The following PHYKPL variants were observed in gnomAD, a reference collection of about 807,000 sequenced individuals.
PHYKPL encodes the protein 5-phosphohydroxy-L-lysine phospho-lyase.
PHYKPL carries 42 observed loss-of-function variants against 51.3 expected under a neutral mutation model. That is an observed-to-expected ratio of 0.82 (90% CI 0.64 to 1.06). The LOEUF is 1.06. Among genes scored for constraint, PHYKPL ranks in the 50% least tolerant of loss-of-function variants. The pLI is 0.00. For missense variants in PHYKPL, 655 were observed against 586.6 expected (o/e 1.12, Z -1.20); for synonymous variants, 264 against 236.0 (o/e 1.12, Z -1.09).
At chr5:178,224,588 T>A (rs1310014181) in intron 5 of PHYKPL, 24 bp from the exon 6 acceptor site, 5 of 1,614,118 alleles carry the variant, frequency 3.1e-6, no homozygotes, top group Admixed American at 3.3e-5. Context: ...CAGCGCCATG[T>A]TATCCGGGCT....
intron 8 of PHYKPL, chr5:178,216,821 A>C (rs1759892525): frequency 6.6e-6 from 1 of 152,296 alleles, no homozygotes; most frequent in Non-Finnish European, 1.5e-5. Flanking sequence ...GAGTTGCCTA[A>C]GGTGAGGAGT....
Position 178,210,169 on chromosome 5 carries a change from C to T in PHYKPL, c.*32-1254G>A, listed in dbSNP as rs747281027. The T allele has an allele frequency of 1.9e-6, 3 of 1,613,906 alleles. No homozygotes were observed. The Admixed American group carries it at 5.0e-5, about 27-fold the overall frequency. On this transcript the variant is annotated intron_variant, in intron 12 of 12. Transcript: ENST00000308158. ...GTTGGAATCAGGGCTACGGCAACTA[C>T]TGGAACCAGGGCTACGGCTACCAGC...
chr5:178,232,383 G>A (rs1232951132), intron 1 of PHYKPL, 109 bp downstream of exon 1: 23 of 1,317,874 alleles, frequency 1.7e-5, no homozygotes, highest in East Asian at 9.8e-5. Flanking sequence ...GGGTAGCAGC[G>A]GCTTCCTAGC....
At position 178,210,565 on chromosome 5, in the gene PHYKPL, C is replaced by T. The variant is rs370560169; in HGVS notation, c.*31+1325G>A. The stretch of plus-strand genomic sequence containing the variant: ...TTCTCGTCCCTAGGTCAGGGTAGTA[C>T]AAACTACGGCAAGAGCCAGCGACGT... On this transcript the variant is annotated intron_variant, in intron 12 of 12. Coordinates refer to ENST00000308158, the MANE Select transcript of PHYKPL (RefSeq NM_153373.4). 95 of 1,613,944 alleles carry T rather than the reference C, an allele frequency of 5.9e-5. 1 individual carries two copies. The highest frequency in any genetic ancestry group is 1.6e-4 in the Middle Eastern group (1 of 6,078).
At position 178,232,174 on chromosome 5, in the gene PHYKPL, TCTC is replaced by T. The variant is rs1270840708; in HGVS notation, c.59+315_59+317del. ...CTCTCAGGCGCCAGGGTGAAGGTCT[TCTC>T]CGGAGTAAAGGCTGCCAAGCGAGGC... is the stretch of plus-strand genomic sequence containing the variant. On this transcript the variant is annotated intron_variant, in intron 1 of 12. Coordinates refer to ENST00000308158, the MANE Select transcript of PHYKPL (RefSeq NM_153373.4). 2.5e-6 allele frequency: 3 copies of T among 1,222,460 alleles called. No individual in the cohort carries two copies. In the African/African-American group the frequency reaches 4.6e-5, roughly 19 times the overall value. 75.7% of individuals were successfully genotyped at this position (1,222,460 alleles called of 1,614,324 possible). A position where few individuals can be genotyped will look rare whatever the true frequency, so the allele number is the denominator to read the frequency against.
At chr5:178,228,713 A>G (rs1278715423) in intron 3 of PHYKPL, 3 of 677,938 alleles carry the variant, frequency 4.4e-6, no homozygotes, top group African/African-American at 3.5e-5. Flanking sequence ...ATTTGTTGGA[A>G]TGTTCTCTCC....
chr5:178,218,062 C>CA (rs1386886622), intron 8 of PHYKPL, among the ~76,000 whole-genome samples: 2 of 114,418 alleles, frequency 1.7e-5, no homozygotes, highest in African/African-American at 7.6e-5. Flanking sequence ...CTAAAAAATA[C>CA]AAAAATTAGC....
At chr5:178,226,759 G>A (rs1762362698) in intron 3 of PHYKPL, 1 of 152,134 alleles carries the variant, frequency 6.6e-6, no homozygotes, top group African/African-American at 2.4e-5. Flanking sequence ...CCTGTCTTGG[G>A]CAGGTAAAAG....
Position 178,210,530 on chromosome 5 carries a change from G to A in PHYKPL, c.*31+1360C>T, listed in dbSNP as rs528905623. The A allele has an allele frequency of 2.5e-6, 4 of 1,610,634 alleles. No individual in the cohort carries two copies. The Admixed American group carries it at 6.7e-5, about 27-fold the overall frequency. The stretch of plus-strand genomic sequence containing the variant: ...GGGCAAATGCTTGTAAATAGTAGCT[G>A]CTATGGTTGTTCTCGTCCCTAGGTC... On this transcript the variant is annotated intron_variant, in intron 12 of 12. Transcript: ENST00000308158.
chr5:178,231,907 G>A (rs751591870), intron 1 of PHYKPL: 1 of 1,303,740 alleles, frequency 7.7e-7, no homozygotes, highest in South Asian at 1.2e-5. Context: ...TAGGTGCCTG[G>A]CTCTCAGCCC....
chr5:178,215,084 A>T (rs72817294), intron 9 of PHYKPL, among the ~76,000 whole-genome samples, 192 bp downstream of exon 9: 3 of 152,028 alleles, frequency 2.0e-5, no homozygotes, highest in African/African-American at 7.2e-5. Context: ...GCTCAGGGGT[A>T]GCTAGGGATC....
In PHYKPL at chr5:178,208,540, CAG is replaced by C. The variant is rs1483270011; in HGVS notation, c.*405_*406del. 1 of 152,168 alleles carries C rather than the reference CAG, an allele frequency of 6.6e-6. No homozygotes were observed. 9.4% of individuals were successfully genotyped at this position (152,168 alleles called of 1,614,324 possible). On this transcript the variant is annotated 3_prime_UTR_variant, in exon 13 of 13. Transcript: ENST00000308158. ...TTTAATTTAGTAGGATAGAATATAT[CAG>C]ATTGCATTATTTTAATTTGCCAATT...
intron 3 of PHYKPL, among the ~76,000 whole-genome samples, chr5:178,229,223 A>T (rs1339097237): frequency 6.7e-6 from 1 of 149,778 alleles, no homozygotes; most frequent in Non-Finnish European, 1.5e-5. Context: ...CTCCTGCCCC[A>T]GCCTCCTGAG....
chr5:178,223,571 T>G (rs1761647657), intron 6 of PHYKPL: 1 of 439,214 alleles, frequency 2.3e-6, no homozygotes, highest in Non-Finnish European at 4.6e-6. Flanking sequence ...CCCACACCTG[T>G]TGCAATCAGA....
Position 178,222,904 on chromosome 5 carries a change from T to C in PHYKPL, c.649A>G (p.Ser217Gly). 2 of 1,614,120 alleles carry C rather than the reference T, an allele frequency of 1.2e-6. No individual in the cohort carries two copies. Among genetic ancestry groups the C allele is most frequent in the Non-Finnish European group, 1.7e-6 (2 of 1,180,008 alleles). Residue 217 changes from serine to glycine, a missense_variant, in exon 7 of 13, where the codon AGT (serine) becomes GGT (glycine). Coordinates refer to ENST00000308158, the MANE Select transcript of PHYKPL (RefSeq NM_153373.4). The stretch of plus-strand genomic sequence containing the variant: ...GGGGGAATGATCTGCCCTCCCACAC[T>C]GGGCAGAGACTCAGCGAAGAAGGCT... ...IAAFFAESLP[S>G]VGGQIIPPAG... is the part of the protein sequence containing the mutation.
intron 12 of PHYKPL, chr5:178,210,225 A>T: frequency 6.2e-7 from 1 of 1,613,408 alleles, no homozygotes; most frequent in Non-Finnish European, 8.5e-7. Context: ...GGCGGCTACG[A>T]CTACTCGCCC....
intron 12 of PHYKPL, chr5:178,210,127 C>CA (rs1757739708): frequency 4.3e-6 from 7 of 1,614,084 alleles, no homozygotes; most frequent in Non-Finnish European, 5.9e-6. Context: ...CTGCTCCCCC[C>CA]ACAGGTCAGA....
intron 8 of PHYKPL, among the ~76,000 whole-genome samples, chr5:178,217,730 C>T (rs1184653681): frequency 2.7e-5 from 4 of 150,582 alleles, no homozygotes; most frequent in African/African-American, 7.3e-5. Flanking sequence ...TCATGGCGGG[C>T]GCCTGTAATC....
intron 8 of PHYKPL, among the ~76,000 whole-genome samples, chr5:178,217,750 C>T (rs1222245782): frequency 6.0e-5 from 9 of 150,442 alleles, no homozygotes; most frequent in South Asian, 4.2e-4. Flanking sequence ...CACAGCTACT[C>T]GGGAGGCTGA....
Sources: allele counts gnomAD v4.1 joint callset (sites outside exome capture counted in the v4.1 genomes callset), GRCh38; gene constraint gnomAD v4.1.1; transcripts MANE v1.5; gene names NCBI Gene and HGNC (gene_info 2026-07-23, HGNC 2026-07-21).